The following TRPC5 variants were observed in gnomAD, a reference collection of about 807,000 sequenced individuals.
TRPC5 encodes the protein transient receptor potential cation channel subfamily C member 5.
Under a neutral mutation model 56.5 loss-of-function variants are expected in TRPC5, and 9 were observed. That is an observed-to-expected ratio of 0.16 (90% CI 0.10 to 0.28). The LOEUF (loss-of-function observed/expected upper bound fraction) is 0.28. Among genes scored for constraint, TRPC5 ranks in the 10% least tolerant of loss-of-function variants. The pLI, the probability that TRPC5 is intolerant of heterozygous loss-of-function variation, is 1.00. For synonymous variants in TRPC5, 282 were observed against 278.5 expected (o/e 1.01, Z -0.13); for missense variants, 469 against 748.9 (o/e 0.63, Z 4.36).
At chrX:112,023,054 C>CCT (rs1284842131) in intron 1 of TRPC5, among the ~76,000 whole-genome samples, 1 of 109,563 alleles carries the variant, frequency 9.1e-6, no homozygotes, top group Non-Finnish European at 1.9e-5. Context: ...CCTGCCTCAG[C>CCT]CTCCCGAGTA....
At chrX:111,833,197 C>T (rs1201818598) in intron 7 of TRPC5, among the ~76,000 whole-genome samples, 2 of 111,293 alleles carry the variant, frequency 1.8e-5, no homozygotes, top group Non-Finnish European at 1.9e-5. Context: ...TCAAATGCAA[C>T]AGAAAAACAG....
At chrX:111,852,933 A>T (rs748507817) in intron 4 of TRPC5, among the ~76,000 whole-genome samples, 1 of 108,846 alleles carries the variant, frequency 9.2e-6, no homozygotes, top group South Asian at 4.0e-4. Flanking sequence ...TTTATAACTC[A>T]TTTTTTTTTC....
At chrX:112,068,190 C>A (rs1381496982) in intron 1 of TRPC5, among the ~76,000 whole-genome samples, 2 of 112,327 alleles carry the variant, frequency 1.8e-5, no homozygotes, top group Non-Finnish European at 3.8e-5. Flanking sequence ...ATGTGCCCCT[C>A]TCTCCATTTA....
chrX:112,019,657 C>G (rs1366666919), intron 1 of TRPC5, among the ~76,000 whole-genome samples: 1 of 111,604 alleles, frequency 9.0e-6, no homozygotes, highest in African/African-American at 3.3e-5. Flanking sequence ...GGACGGTCTC[C>G]ATCTCCTGAC....
At chrX:111,857,076 ATGCCTGGCACATAG>A in intron 3 of TRPC5, among the ~76,000 whole-genome samples, 1 of 111,618 alleles carries the variant, frequency 9.0e-6, no homozygotes, top group Non-Finnish European at 1.9e-5. Context: ...GCTTAGAACT[ATGCCTGGCACATAG>A]TAAGGGCTCA....
intron 7 of TRPC5, among the ~76,000 whole-genome samples, chrX:111,811,953 T>G (rs1413958911): frequency 1.8e-5 from 2 of 111,457 alleles, no homozygotes; most frequent in Non-Finnish European, 3.8e-5. Context: ...GAAGTAGATA[T>G]TCAATCAGTA....
chrX:111,784,388 A>G (rs992884858), intron 7 of TRPC5, among the ~76,000 whole-genome samples: 8 of 112,524 alleles, frequency 7.1e-5, no homozygotes, highest in African/African-American at 9.7e-5. Context: ...ATAATTTAAT[A>G]TCATATATCT....
intron 1 of TRPC5, among the ~76,000 whole-genome samples, chrX:112,071,747 C>G (rs998472868): frequency 1.8e-5 from 2 of 111,886 alleles, no homozygotes; most frequent in South Asian, 3.7e-4. Context: ...AATGTGAAGA[C>G]CACTTTTAGC....
intron 1 of TRPC5, among the ~76,000 whole-genome samples, chrX:112,046,678 C>T (rs1930034863): frequency 9.0e-6 from 1 of 111,555 alleles, no homozygotes; most frequent in African/African-American, 3.3e-5. Context: ...CCTTGGGGCA[C>T]ACTTCAGGAA....
intron 1 of TRPC5, among the ~76,000 whole-genome samples, chrX:112,026,633 G>A (rs1465764904): frequency 1.8e-5 from 2 of 111,311 alleles, no homozygotes; most frequent in South Asian, 3.8e-4. Flanking sequence ...CAAAAAGTAC[G>A]AAAACCACTG....
At chrX:111,821,266 C>T (rs1389104624) in intron 7 of TRPC5, among the ~76,000 whole-genome samples, 1 of 111,505 alleles carries the variant, frequency 9.0e-6, no homozygotes, top group Non-Finnish European at 1.9e-5. Flanking sequence ...TTCAAATACC[C>T]AGGGGGAAAT....
At chrX:111,781,438 A>C (rs749547886) in intron 8 of TRPC5, among the ~76,000 whole-genome samples, 132 of 112,285 alleles carry the variant, frequency 1.2e-3, no homozygotes, top group African/African-American at 4.0e-3. Context: ...AAAGATTCAT[A>C]ATATTGGCCA....
chrX:111,856,346 A>G (rs1256708837), intron 3 of TRPC5, among the ~76,000 whole-genome samples: 1 of 109,557 alleles, frequency 9.1e-6, no homozygotes, highest in Non-Finnish European at 1.9e-5. Context: ...ATTCAAGACC[A>G]ATCTTGCCAA....
chrX:112,064,675 T>C (rs1930537076), intron 1 of TRPC5, among the ~76,000 whole-genome samples: 1 of 112,197 alleles, frequency 8.9e-6, no homozygotes, highest in Non-Finnish European at 1.9e-5. Context: ...TACTGAAAAG[T>C]TTAGGAATGA....
At chrX:111,779,413 G>A (rs948405617) in intron 9 of TRPC5, among the ~76,000 whole-genome samples, 1 of 112,006 alleles carries the variant, frequency 8.9e-6, no homozygotes, top group Admixed American at 9.5e-5. Context: ...TAAAACGAGA[G>A]TTTTATTCTC....
intron 1 of TRPC5, among the ~76,000 whole-genome samples, chrX:112,038,449 A>C (rs1433890135): frequency 2.7e-5 from 3 of 111,085 alleles, no homozygotes; most frequent in African/African-American, 9.8e-5. Flanking sequence ...TTGCACAAAC[A>C]CTGAATGTTC....
intron 1 of TRPC5, among the ~76,000 whole-genome samples, chrX:112,023,236 TTTTTTTTTTG>T (rs1271122787): frequency 5.6e-4 from 55 of 98,856 alleles, no homozygotes; most frequent in African/African-American, 2.1e-3. Context: ...GCCCAGCAGT[TTTTTTTTTTG>T]TTTTTTTTTT....
intron 1 of TRPC5, among the ~76,000 whole-genome samples, chrX:112,027,865 A>G (rs1216576630): frequency 8.9e-6 from 1 of 112,171 alleles, no homozygotes; most frequent in Non-Finnish European, 1.9e-5. Flanking sequence ...TCACTGCATC[A>G]GTGCAGTGAC....
intron 7 of TRPC5, among the ~76,000 whole-genome samples, chrX:111,791,812 C>T (rs544231497): frequency 8.9e-6 from 1 of 111,993 alleles, no homozygotes; most frequent in Non-Finnish European, 1.9e-5. Flanking sequence ...GAAGTGATAC[C>T]CTGTGAGGAT....
Sources: gnomAD v4.1 joint callset for allele counts (sites outside exome capture counted in the v4.1 genomes callset) on GRCh38, gnomAD v4.1.1 for gene constraint, MANE v1.5 for transcripts, NCBI Gene and HGNC (gene_info 2026-07-23, HGNC 2026-07-21) for gene names.